ACSS1: variants seen among roughly 807,000 people sequenced by gnomAD.
The protein encoded by ACSS1 is acetyl-coenzyme A synthetase 2-like, mitochondrial.
In ACSS1, 42 loss-of-function variants were observed where a neutral mutation model predicts 75.3. The observed-to-expected ratio is 0.56, with a 90% CI of 0.44 to 0.72. The LOEUF is 0.72. ACSS1 is among the 30% of genes least tolerant of loss of function. The pLI, the probability that ACSS1 is intolerant of heterozygous loss-of-function variation, is 0.00. For synonymous variants in ACSS1, 380 were observed against 376.8 expected (o/e 1.01, Z -0.10); for missense variants, 782 against 935.7 (o/e 0.84, Z 2.14).
rs112683865 is a variant in ACSS1 at position 25,013,978 on chromosome 20, C to A, written c.1435G>T (p.Val479Phe). ...AMRPFFGIVP[V>F]LMDEKGSVVE... ...ATACACACCTTCTCATCCATGAGGA[C>A]GGGGACGATGCCAAAGAAGGGCCTC... is the stretch of plus-strand genomic sequence containing the variant. Residue 479 changes from valine (V) to phenylalanine (F), a missense_variant, in exon 9 of 14, where the codon GTC (valine) becomes TTC (phenylalanine). Val to Phe is a conservative substitution (Grantham distance 50, BLOSUM62 -1). Transcript: ENST00000323482. The A allele has an allele frequency of 1.2e-6, 2 of 1,613,588 alleles. No homozygotes were observed. Among genetic ancestry groups the A allele is most frequent in the African/African-American group, 1.3e-5 (1 of 74,928 alleles).
At position 25,009,355 on chromosome 20, in the gene ACSS1, G is replaced by A. The variant is rs540694076; in HGVS notation, c.1805C>T (p.Ala602Val). ...AFAFIVVKDSAGDSDVVVQEL... is the reference protein window; with the variant it reads ...AFAFIVVKDSVGDSDVVVQEL... ...CTGCACCACCACATCTGAGTCACCC[G>A]CACTATCTTTCACCACAATGAAGGC... Residue 602 changes from alanine to valine, a missense_variant, in exon 13 of 14, where the codon GCG becomes GTG. By Grantham distance (64) the Ala-to-Val change is moderately conservative. This residue lies in a region of ACSS1 where 405 missense variants were observed against 552.6 expected (regional missense o/e 0.73). Transcript: ENST00000323482. The A allele has an allele frequency of 1.5e-5, 24 of 1,614,156 alleles. No homozygotes were observed. The highest frequency in any genetic ancestry group is 8.9e-5 in the East Asian group (4 of 44,876).
intron 1 of ACSS1, among the ~76,000 whole-genome samples, chr20:25,054,207 A>G: frequency 6.6e-6 from 1 of 152,216 alleles, no homozygotes; most frequent in East Asian, 1.9e-4. Context: ...AAGCAACCTC[A>G]GCCACCTGCA....
intron 7 of ACSS1, among the ~76,000 whole-genome samples, chr20:25,018,532 A>G (rs2088560534): frequency 1.3e-5 from 2 of 152,182 alleles, no homozygotes; most frequent in African/African-American, 4.8e-5. Flanking sequence ...TGGGGGGCAG[A>G]GTGAGTTTTA....
At chr20:25,014,524 T>C (rs2088481543) in intron 8 of ACSS1, among the ~76,000 whole-genome samples, 1 of 152,126 alleles carries the variant, frequency 6.6e-6, no homozygotes, top group South Asian at 2.1e-4. Context: ...TGTCCCAGGT[T>C]TTCCTGAATG....
intron 2 of ACSS1, among the ~76,000 whole-genome samples, chr20:25,033,112 G>A (rs2088855042): frequency 1.3e-5 from 2 of 151,972 alleles, no homozygotes; most frequent in Admixed American, 1.3e-4. Flanking sequence ...GGAGGCTGGG[G>A]TGGCCTGTGA....
rs2088414301 is a variant in ACSS1 at position 25,011,816 on chromosome 20, C to T, written c.1771+785G>A. 2.0e-5 allele frequency: 3 copies of T among 152,266 alleles called. No individual in the cohort carries two copies. In the South Asian group the frequency reaches 6.2e-4, roughly 31 times the overall value. 9.4% of individuals were successfully genotyped at this position (152,266 alleles called of 1,614,324 possible). ...AGGGAGGAAGGTGACATCTGGGACA[C>T]ACTGTGACACAGGGTGGCCTCCCAG... is the stretch of plus-strand genomic sequence containing the variant. On this transcript the variant is annotated intron_variant, in intron 12 of 13. Transcript: ENST00000323482.
intron 3 of ACSS1, 45 bp downstream of exon 3, chr20:25,030,714 T>C: frequency 6.2e-7 from 1 of 1,605,084 alleles, no homozygotes; most frequent in Non-Finnish European, 8.5e-7. Context: ...GGAACAAGGA[T>C]CAGGGAACTC....
intron 2 of ACSS1, among the ~76,000 whole-genome samples, chr20:25,035,349 GCAGGCTTTC>G (rs1369443440): frequency 1.3e-5 from 2 of 151,826 alleles, no homozygotes; most frequent in African/African-American, 4.8e-5. Context: ...TTTTTTTAAA[GCAGGCTTTC>G]CATTTATCCC....
intron 1 of ACSS1, among the ~76,000 whole-genome samples, chr20:25,054,041 C>T (rs8123923): frequency 0.033 from 5,005 of 152,310 alleles, 266 homozygotes; most frequent in African/African-American, 0.11. Flanking sequence ...TAGAACCTGG[C>T]TCTCCAAAGA....
chr20:25,044,504 T>C (rs78529322), intron 2 of ACSS1, among the ~76,000 whole-genome samples: 1,610 of 152,234 alleles, frequency 0.011, 21 homozygotes, highest in African/African-American at 0.034. Flanking sequence ...CACCAAGCTA[T>C]TGGGAGGCTG....
At chr20:25,014,928 G>C (rs2088488882) in intron 8 of ACSS1, among the ~76,000 whole-genome samples, 1 of 152,250 alleles carries the variant, frequency 6.6e-6, no homozygotes, top group Non-Finnish European at 1.5e-5. Flanking sequence ...GAGCCTCAGA[G>C]AAGTTGTGAC....
Position 25,057,816 on chromosome 20 carries a change from C to G in ACSS1, c.287G>C (p.Ser96Thr). The G allele has an allele frequency of 5.6e-6, 9 of 1,603,172 alleles. No homozygotes were observed. The highest frequency in any genetic ancestry group is 6.8e-6 in the Non-Finnish European group (8 of 1,172,558). The change falls in exon 1 of 14, where the codon AGC becomes ACC. Residue 96 changes from serine to threonine, a missense_variant. By Grantham distance (58) the Ser-to-Thr change is moderately conservative. Transcript: ENST00000323482. ...PYHTVWDCDFSTGKIGWFLGG... is the reference protein window; with the variant it reads ...PYHTVWDCDFTTGKIGWFLGG... ...CAGGAACCAGCCGATCTTGCCAGTG[C>G]TGAAGTCGCAGTCCCAGACGGTGTG...
intron 1 of ACSS1, among the ~76,000 whole-genome samples, chr20:25,051,608 C>A (rs2122764984): frequency 6.6e-6 from 1 of 152,324 alleles, no homozygotes; most frequent in East Asian, 1.9e-4. Context: ...GTCCTGGGAC[C>A]CGACTCTGAC....
intron 3 of ACSS1, among the ~76,000 whole-genome samples, chr20:25,027,413 T>C (rs758023078): frequency 6.6e-6 from 1 of 152,112 alleles, no homozygotes; most frequent in Admixed American, 6.5e-5. Flanking sequence ...GCAAACTGTA[T>C]CCAGCAGCAT....
intron 3 of ACSS1, among the ~76,000 whole-genome samples, chr20:25,029,964 G>A (rs181089395): frequency 6.6e-6 from 1 of 152,308 alleles, no homozygotes; most frequent in Admixed American, 6.5e-5. Flanking sequence ...TCTAGAGAGA[G>A]GAAGAAAAAG....
chr20:25,009,579 T>C lies in ACSS1; in HGVS notation c.1772-191A>G, dbSNP rs965698380. 6.8e-6 allele frequency: 4 copies of C among 590,346 alleles called. No individual in the cohort carries two copies. The African/African-American group carries it at 7.4e-5, about 11-fold the overall frequency. 36.6% of individuals were successfully genotyped at this position (590,346 alleles called of 1,614,324 possible). On this transcript the variant is annotated intron_variant, in intron 12 of 13. Transcript: ENST00000323482. The stretch of plus-strand genomic sequence containing the variant: ...TCAGTTTCATGAAAAGTGGCAGCGA[T>C]TCTAACAGCTCCACAGATGTTCCAG...
At chr20:25,028,018 T>C (rs750107780) in intron 3 of ACSS1, among the ~76,000 whole-genome samples, 3 of 152,146 alleles carry the variant, frequency 2.0e-5, no homozygotes, top group Non-Finnish European at 2.9e-5. Flanking sequence ...CAATTCCATT[T>C]ATAAAAATTC....
intron 8 of ACSS1, 45 bp from the exon 9 acceptor site, chr20:25,014,118 A>G (rs751511903): frequency 6.7e-7 from 1 of 1,488,426 alleles, no homozygotes; most frequent in Admixed American, 1.9e-5. Context: ...CCCCGGACCC[A>G]GGGATACGTG....
rs746993170 is a variant in ACSS1 at position 25,007,839 on chromosome 20, A to G, written c.1993T>C (p.Leu665=). The G allele has an allele frequency of 1.1e-5, 17 of 1,614,064 alleles. No homozygotes were observed. Among genetic ancestry groups the G allele is most frequent in the Non-Finnish European group, 1.4e-5 (17 of 1,180,022 alleles). The part of the protein sequence containing the change: ...EAQELGDTTT[L]EDPSIIAEIL... ...TCTGCGATGATGCTGGGGTCCTCCA[A>G]GGTGGTAGTGTCTCCCAGCTCCTGG... The change falls in exon 14 of 14, where the codon TTG becomes CTG. Residue 665 remains leucine (L), a synonymous_variant. Transcript: ENST00000323482.
Sources: allele counts gnomAD v4.1 joint callset (sites outside exome capture counted in the v4.1 genomes callset), GRCh38; gene constraint gnomAD v4.1.1; regional missense constraint gnomAD v4.1.1; transcripts MANE v1.5; gene names NCBI Gene and HGNC (gene_info 2026-07-23, HGNC 2026-07-21).